The following SARDH variants were observed in gnomAD, a reference collection of about 807,000 sequenced individuals.
The protein encoded by SARDH is sarcosine dehydrogenase, mitochondrial.
Under a neutral mutation model 109.1 loss-of-function variants are expected in SARDH, and 95 were observed. The observed-to-expected ratio is 0.87, with a 90% CI of 0.74 to 1.03. The LOEUF is 1.03. Ranked by LOEUF, SARDH falls within the 50% of genes least tolerant of loss-of-function variation. The probability of loss-of-function intolerance (pLI) is 0.00; values close to 1 mark genes in which losing one functional copy is unlikely to be tolerated. For synonymous variants in SARDH, 572 were observed against 534.8 expected (o/e 1.07, Z -0.96); for missense variants, 1,267 against 1,287.8 (o/e 0.98, Z 0.25).
intron 12 of SARDH, 136 bp from the exon 13 acceptor site, chr9:133,703,165 T>C (rs1350962888): frequency 4.1e-6 from 3 of 735,616 alleles, no homozygotes; most frequent in Non-Finnish European, 6.9e-6. Context: ...TGAGTGCCCG[T>C]GTGTTGTGGA....
At chr9:133,665,413 C>T (rs891731664) in intron 20 of SARDH, among the ~76,000 whole-genome samples, 4 of 152,148 alleles carry the variant, frequency 2.6e-5, no homozygotes, top group Admixed American at 6.5e-5. Context: ...GTCAGGAGGC[C>T]CTGCCCACCG....
intron 10 of SARDH, among the ~76,000 whole-genome samples, chr9:133,711,065 TGGAA>T (rs1370134022): frequency 1.3e-5 from 2 of 152,206 alleles, no homozygotes; most frequent in African/African-American, 4.8e-5. Flanking sequence ...GTCCCAGTGA[TGGAA>T]GGAAGACAGC....
intron 6 of SARDH, among the ~76,000 whole-genome samples, chr9:133,727,937 C>T (rs1832549313): frequency 6.6e-6 from 1 of 152,078 alleles, no homozygotes; most frequent in African/African-American, 2.4e-5. Flanking sequence ...CATTCTGTGG[C>T]CACCCTCCCT....
chr9:133,705,842 C>T (rs1381877292), intron 11 of SARDH, among the ~76,000 whole-genome samples: 3 of 152,198 alleles, frequency 2.0e-5, no homozygotes, highest in South Asian at 2.1e-4. Context: ...AGGGTGGGTC[C>T]TAATCCCATA....
intron 6 of SARDH, 29 bp from the exon 7 acceptor site, chr9:133,719,071 T>A: frequency 6.3e-7 from 1 of 1,598,654 alleles, no homozygotes. Flanking sequence ...GGCCTTGGCA[T>A]CATCCAGAAC....
chr9:133,726,374 T>TAAC (rs1832490947), intron 6 of SARDH, among the ~76,000 whole-genome samples: 1 of 140,140 alleles, frequency 7.1e-6, no homozygotes, highest in African/African-American at 2.6e-5. Context: ...TCTCAAATAA[T>TAAC]AATAATAATA....
chr9:133,685,146 C>A, intron 17 of SARDH, 47 bp downstream of exon 17: 1 of 1,561,060 alleles, frequency 6.4e-7, no homozygotes, highest in Non-Finnish European at 8.8e-7. Context: ...ACCCCTCACA[C>A]CATGCTGCCA....
chr9:133,739,462 C>T (rs555908948), upstream of SARDH, among the ~76,000 whole-genome samples: 5 of 152,306 alleles, frequency 3.3e-5, no homozygotes, highest in South Asian at 2.1e-4. Context: ...CCCCTGCCCT[C>T]GAGGGGCTCA....
chr9:133,708,184 T>C (rs151226471), intron 11 of SARDH, 103 bp downstream of exon 11: 1 of 1,385,686 alleles, frequency 7.2e-7, no homozygotes, highest in Non-Finnish European at 9.7e-7. Context: ...TCACCGCACC[T>C]GACCTGCGGT....
At chr9:133,667,962 C>A (rs1830132222) in intron 19 of SARDH, among the ~76,000 whole-genome samples, 1 of 152,152 alleles carries the variant, frequency 6.6e-6, no homozygotes, top group Non-Finnish European at 1.5e-5. Flanking sequence ...GGAACTGCAA[C>A]AGTCCAGAGC....
intron 12 of SARDH, 44 bp from the exon 13 acceptor site, chr9:133,703,073 T>C: frequency 6.6e-7 from 1 of 1,522,260 alleles, no homozygotes; most frequent in South Asian, 1.2e-5. Context: ...CTTTGGCCCC[T>C]CCCCGCTTCC....
intron 1 of SARDH, among the ~76,000 whole-genome samples, chr9:133,735,673 A>G (rs536720422): frequency 6.6e-5 from 10 of 152,310 alleles, no homozygotes; most frequent in African/African-American, 2.2e-4. Flanking sequence ...GCATGTGCAC[A>G]TTGATTTTAC....
chr9:133,660,051 A>ACCCCAC (rs1554738059), downstream of SARDH, among the ~76,000 whole-genome samples: 1 of 146,956 alleles, frequency 6.8e-6, no homozygotes, highest in Non-Finnish European at 1.5e-5. Flanking sequence ...CACAGCGACA[A>ACCCCAC]CCCCACCCCC....
chr9:133,701,690 A>C (rs1254770404), intron 13 of SARDH, among the ~76,000 whole-genome samples: 5 of 152,062 alleles, frequency 3.3e-5, no homozygotes, highest in African/African-American at 1.2e-4. Context: ...GCGACAAGGG[A>C]CTCGGGCACT....
intron 1 of SARDH, 112 bp from the exon 2 acceptor site, chr9:133,734,315 G>A: frequency 5.5e-6 from 3 of 545,846 alleles, no homozygotes; most frequent in South Asian, 4.1e-5. Context: ...CCTTCCTCTT[G>A]CCACTTCCCC....
At chr9:133,714,233 A>C (rs1395812710) in intron 8 of SARDH, among the ~76,000 whole-genome samples, 1 of 152,188 alleles carries the variant, frequency 6.6e-6, no homozygotes, top group African/African-American at 2.4e-5. Context: ...GAGAGCAATC[A>C]GGGCCCCCAC....
At chr9:133,725,317 A>C (rs1425865532) in intron 6 of SARDH, 1 of 208,484 alleles carries the variant, frequency 4.8e-6, no homozygotes, top group African/African-American at 2.3e-5. Context: ...GCTGGGACAA[A>C]AACTGTTAAT....
At chr9:133,661,636 C>G (rs1034953344), downstream of SARDH, among the ~76,000 whole-genome samples, 11 of 152,006 alleles carry the variant, frequency 7.2e-5, no homozygotes, top group African/African-American at 2.2e-4. Flanking sequence ...CGTGTGCCAC[C>G]ACGCCCAGCT....
Position 133,663,884 on chromosome 9 carries a change from A to T in SARDH, c.*5T>A. On this transcript the variant is annotated 3_prime_UTR_variant, in exon 21 of 21. Transcript: ENST00000439388. Reference sequence around the variant, plus strand: ...AGCATGGGATGGGGCATGTGGTCTGAGCCCTCAGTAGATTCCCTTCACCCT... The same window carrying T: ...AGCATGGGATGGGGCATGTGGTCTGTGCCCTCAGTAGATTCCCTTCACCCT... 1 of 1,614,050 alleles carries T rather than the reference A, an allele frequency of 6.2e-7. No homozygotes were observed. The highest frequency in any genetic ancestry group is 1.1e-5 in the South Asian group (1 of 91,062).
Sources: allele counts gnomAD v4.1 joint callset (sites outside exome capture counted in the v4.1 genomes callset), GRCh38; gene constraint gnomAD v4.1.1; transcripts MANE v1.5; gene names NCBI Gene and HGNC (gene_info 2026-07-23, HGNC 2026-07-21).